RNGTT: variants seen among roughly 807,000 people sequenced by gnomAD.
RNGTT encodes the protein RNA guanylyltransferase and 5'-phosphatase, also known as mRNA-capping enzyme.
A neutral mutation model predicts 79.3 loss-of-function variants in RNGTT; 33 were observed. The observed-to-expected ratio is 0.42, with a 90% CI of 0.32 to 0.56. The LOEUF (loss-of-function observed/expected upper bound fraction) is 0.56. RNGTT is among the 20% of genes least tolerant of loss of function. The pLI is 0.17. For synonymous variants in RNGTT, 222 were observed against 235.9 expected (o/e 0.94, Z 0.54); for missense variants, 497 against 739.1 (o/e 0.67, Z 3.80).
At chr6:88,950,470 TAAATC>T (rs1304577287) in intron 1 of RNGTT, among the ~76,000 whole-genome samples, 1 of 152,112 alleles carries the variant, frequency 6.6e-6, no homozygotes, top group Non-Finnish European at 1.5e-5. Flanking sequence ...CTGGGCAAAA[TAAATC>T]AAAAACTTTC....
intron 12 of RNGTT, among the ~76,000 whole-genome samples, chr6:88,775,382 A>G (rs1778842521): frequency 6.6e-6 from 1 of 151,998 alleles, no homozygotes; most frequent in Non-Finnish European, 1.5e-5. Flanking sequence ...TTTAACCTAC[A>G]TCTCCCCAAC....
At position 88,786,673 on chromosome 6, in the gene RNGTT, CAG is replaced by C. The variant is rs199890451; in HGVS notation, c.1338+14889_1338+14890del. On this transcript the variant is annotated intron_variant, in intron 12 of 15. Coordinates refer to ENST00000369485, the MANE Select transcript of RNGTT (RefSeq NM_003800.5). ...AAAATAGGTTTATACTGAAAACAAA[CAG>C]ATAATTTTTTCCTTTTGAAGAAAAT... Among the ~76,000 whole-genome samples the C allele has an allele frequency of 9.2e-5, 14 of 152,278 alleles. No individual in the cohort carries two copies. In the East Asian group the frequency reaches 2.7e-3, roughly 29 times the overall value.
chr6:88,838,386 G>T (rs1429164246), intron 11 of RNGTT, among the ~76,000 whole-genome samples: 1 of 151,996 alleles, frequency 6.6e-6, no homozygotes, highest in African/African-American at 2.4e-5. Flanking sequence ...AAAATTATTA[G>T]TATAATAATT....
intron 13 of RNGTT, among the ~76,000 whole-genome samples, chr6:88,693,381 T>C (rs763468742): frequency 3.3e-5 from 5 of 152,076 alleles, no homozygotes; most frequent in African/African-American, 4.8e-5. Context: ...ACGGGTAAAT[T>C]CCTGGACATA....
At chr6:88,649,437 G>A (rs987539795) in intron 14 of RNGTT, among the ~76,000 whole-genome samples, 18 of 152,230 alleles carry the variant, frequency 1.2e-4, no homozygotes, top group African/African-American at 4.3e-4. Context: ...GGTGGCTCAC[G>A]CCTGTAATCC....
intron 1 of RNGTT, among the ~76,000 whole-genome samples, chr6:88,956,857 G>C (rs1254370069): frequency 6.6e-6 from 1 of 151,988 alleles, no homozygotes; most frequent in Non-Finnish European, 1.5e-5. Context: ...TGGCCAACGT[G>C]GTGAAACCCC....
chr6:88,956,764 C>A (rs568495266), intron 1 of RNGTT, among the ~76,000 whole-genome samples: 1 of 152,106 alleles, frequency 6.6e-6, no homozygotes, highest in Admixed American at 6.6e-5. Flanking sequence ...GTTGGCCAGG[C>A]GTGGTGGCTC....
chr6:88,826,854 GTATATA>G (rs1554221332), intron 11 of RNGTT, among the ~76,000 whole-genome samples: 3 of 138,366 alleles, frequency 2.2e-5, no homozygotes, highest in Non-Finnish European at 3.1e-5. Flanking sequence ...ATGTGTGTGT[GTATATA>G]TATATATATA....
intron 4 of RNGTT, among the ~76,000 whole-genome samples, chr6:88,925,932 C>T (rs138242259): frequency 1.3e-4 from 20 of 152,246 alleles, no homozygotes; most frequent in African/African-American, 4.3e-4. Context: ...ATTTTGATTA[C>T]GTAGGTCCAG....
chr6:88,779,720 C>A (rs975119204), intron 12 of RNGTT, among the ~76,000 whole-genome samples: 1 of 152,108 alleles, frequency 6.6e-6, no homozygotes, highest in Non-Finnish European at 1.5e-5. Flanking sequence ...GGGCCAGGTG[C>A]AGTGGCTCAC....
chr6:88,715,802 T>C (rs1412316033), intron 13 of RNGTT, among the ~76,000 whole-genome samples: 2 of 152,190 alleles, frequency 1.3e-5, no homozygotes, highest in Non-Finnish European at 2.9e-5. Context: ...TTACACCTTA[T>C]ACATAAATTA....
chr6:88,809,564 T>C (rs1780068576), intron 11 of RNGTT, among the ~76,000 whole-genome samples: 1 of 152,170 alleles, frequency 6.6e-6, no homozygotes, highest in Admixed American at 6.5e-5. Flanking sequence ...TGTCAATATT[T>C]GGAAAGTCAT....
At chr6:88,716,387 A>G (rs1272551456) in intron 13 of RNGTT, among the ~76,000 whole-genome samples, 1 of 152,174 alleles carries the variant, frequency 6.6e-6, no homozygotes, top group Non-Finnish European at 1.5e-5. Flanking sequence ...AACTCGTTCA[A>G]CCATTGTGGA....
chr6:88,935,245 G>T (rs1188744139), intron 2 of RNGTT, among the ~76,000 whole-genome samples: 1 of 152,136 alleles, frequency 6.6e-6, no homozygotes, highest in African/African-American at 2.4e-5. Context: ...GTAAATGCAT[G>T]CATTTATTTC....
chr6:88,898,482 T>G (rs1037639738), intron 6 of RNGTT, among the ~76,000 whole-genome samples: 1 of 152,064 alleles, frequency 6.6e-6, no homozygotes, highest in African/African-American at 2.4e-5. Flanking sequence ...TCTAATTTGT[T>G]CCTCTTCTTA....
intron 6 of RNGTT, among the ~76,000 whole-genome samples, chr6:88,897,274 T>C (rs1248454489): frequency 6.6e-6 from 1 of 152,158 alleles, no homozygotes; most frequent in Admixed American, 6.5e-5. Flanking sequence ...CAGCCTTGAG[T>C]CAACCTACCG....
chr6:88,681,904 G>T lies in RNGTT; in HGVS notation c.1440-3485C>A, dbSNP rs144059440. Among the ~76,000 whole-genome samples, 310 of 152,212 alleles carry T rather than the reference G, an allele frequency of 2.0e-3. 2 individuals carry two copies. The highest frequency in any genetic ancestry group is 7.3e-3 in the African/African-American group (303 of 41,536). On this transcript the variant is annotated intron_variant, in intron 13 of 15. Transcript: ENST00000369485. ...ATGTTTTGGAAAGTAGCAATAAGGA[G>T]GCATTGTTGGACAAAAACAATTTAT...
chr6:88,764,442 A>G (rs1314599935), intron 13 of RNGTT, among the ~76,000 whole-genome samples: 1 of 152,212 alleles, frequency 6.6e-6, no homozygotes, highest in Non-Finnish European at 1.5e-5. Context: ...AAAAGATACT[A>G]TTAGAGATTT....
chr6:88,627,321 G>A (rs1772671285), intron 14 of RNGTT, among the ~76,000 whole-genome samples: 1 of 152,042 alleles, frequency 6.6e-6, no homozygotes, highest in Admixed American at 6.6e-5. Flanking sequence ...TTTGAACTAG[G>A]CAATTCATTA....
Sources: allele counts gnomAD v4.1 joint callset (sites outside exome capture counted in the v4.1 genomes callset), GRCh38; gene constraint gnomAD v4.1.1; transcripts MANE v1.5; gene names NCBI Gene and HGNC (gene_info 2026-07-23, HGNC 2026-07-21).